The following GPR155 variants were observed in gnomAD, a reference collection of about 807,000 sequenced individuals.
The protein encoded by GPR155 is lysosomal cholesterol signaling protein.
GPR155 carries 65 observed loss-of-function variants against 93.1 expected under a neutral mutation model. The observed-to-expected ratio is 0.70, with a 90% CI of 0.57 to 0.86. The LOEUF (loss-of-function observed/expected upper bound fraction) is 0.86, where lower values mean the gene tolerates loss of function less well. GPR155 is among the 40% of genes least tolerant of loss of function. The probability of loss-of-function intolerance (pLI) is 0.00; values close to 1 mark genes in which losing one functional copy is unlikely to be tolerated. For synonymous variants in GPR155, 319 were observed against 360.1 expected (o/e 0.89, Z 1.29); for missense variants, 838 against 1,034.8 (o/e 0.81, Z 2.61).
intron 6 of GPR155, 84 bp downstream of exon 6, chr2:174,466,460 A>G: frequency 1.2e-6 from 1 of 805,684 alleles, no homozygotes; most frequent in Middle Eastern, 3.6e-4. Context: ...CATAACTAGA[A>G]AAACCTAGCA....
chr2:174,480,585 T>C (rs1688290289), intron 2 of GPR155, among the ~76,000 whole-genome samples: 1 of 152,186 alleles, frequency 6.6e-6, no homozygotes. Flanking sequence ...CCCAAACTGG[T>C]ACGTTTACTG....
In GPR155 at chr2:174,435,960, G is replaced by A. The variant is rs1411157327; in HGVS notation, c.*156C>T. 3.3e-6 allele frequency: 2 copies of A among 615,376 alleles called. No individual in the cohort carries two copies. The highest frequency in any genetic ancestry group is 2.9e-5 in the Admixed American group (1 of 33,966). The allele number at this position is 615,376 out of a possible 1,614,324, so 38.1% of individuals were successfully genotyped here. On this transcript the variant is annotated 3_prime_UTR_variant, in exon 16 of 16. Transcript: ENST00000392552. ...ACATACATGTAAAATCACAGACCCTGCGCATGTGGTGGGAGCACATCTTTT... is the reference window on the plus strand; with the variant it reads ...ACATACATGTAAAATCACAGACCCTACGCATGTGGTGGGAGCACATCTTTT...
intron 2 of GPR155, 39 bp from the exon 3 acceptor site, chr2:174,473,403 AG>A: frequency 2.4e-6 from 3 of 1,276,064 alleles, no homozygotes; most frequent in Non-Finnish European, 3.3e-6. Context: ...TGATGACCAC[AG>A]AAATACAGAT....
chr2:174,468,500 C>G (rs1436956697), intron 5 of GPR155, among the ~76,000 whole-genome samples: 1 of 152,114 alleles, frequency 6.6e-6, no homozygotes, highest in Non-Finnish European at 1.5e-5. Flanking sequence ...TCTAGAACAG[C>G]TAGGAATTCT....
intron 5 of GPR155, 38 bp downstream of exon 5, chr2:174,468,874 C>G: frequency 6.4e-7 from 1 of 1,553,646 alleles, no homozygotes; most frequent in Non-Finnish European, 8.9e-7. Flanking sequence ...AAAACTCATT[C>G]TGTGGTTTCC....
At position 174,435,142 on chromosome 2, in the gene GPR155, A is replaced by G. The variant is rs1403918322; in HGVS notation, c.*974T>C. ...TATTAATTTTGAAATTATAGTAAACAGTTGCAGAAAGCAATGATTATATAA... is the reference window on the plus strand; with the variant it reads ...TATTAATTTTGAAATTATAGTAAACGGTTGCAGAAAGCAATGATTATATAA... On this transcript the variant is annotated 3_prime_UTR_variant, in exon 16 of 16. Transcript: ENST00000392552. The G allele has an allele frequency of 1.3e-5, 2 of 152,244 alleles. No homozygotes were observed. Among genetic ancestry groups the G allele is most frequent in the African/African-American group, 4.8e-5 (2 of 41,464 alleles). 9.4% of individuals were successfully genotyped at this position (152,244 alleles called of 1,614,324 possible). A position where few individuals can be genotyped will look rare whatever the true frequency, so the allele number is the denominator to read the frequency against.
chr2:174,454,973 A>G (rs1264692083), intron 10 of GPR155, among the ~76,000 whole-genome samples: 1 of 152,178 alleles, frequency 6.6e-6, no homozygotes, highest in East Asian at 1.9e-4. Flanking sequence ...ACAAAGTTAC[A>G]TTAGAATAAG....
In GPR155 at chr2:174,481,988, C is replaced by A; in HGVS notation, c.-31-1G>T. The A allele has an allele frequency of 6.9e-7, 1 of 1,451,768 alleles. No homozygotes were observed. The highest frequency in any genetic ancestry group is 9.5e-7 in the Non-Finnish European group (1 of 1,050,718). The allele number at this position is 1,451,768 out of a possible 1,614,324, so 89.9% of individuals were successfully genotyped here. A position where few individuals can be genotyped will look rare whatever the true frequency, so the allele number is the denominator to read the frequency against. ...TCACCCTCCAACTCCAACCAGATCT[C>A]TGGAAAGAAAGGAAGAAAGATTCAG... is the stretch of plus-strand genomic sequence containing the variant. On this transcript the variant is annotated splice_acceptor_variant, in intron 1 of 15. Coordinates refer to ENST00000392552, the MANE Select transcript of GPR155 (RefSeq NM_152529.7). LOFTEE classifies it low-confidence loss of function (5UTR_SPLICE).
chr2:174,449,930 C>T (rs768198073), intron 11 of GPR155, among the ~76,000 whole-genome samples: 8 of 152,068 alleles, frequency 5.3e-5, no homozygotes, highest in Non-Finnish European at 7.4e-5. Flanking sequence ...GAGCCAAGAT[C>T]GTGCCACTGC....
At chr2:174,441,436 T>A (rs141509044) in intron 14 of GPR155, among the ~76,000 whole-genome samples, 4 of 151,748 alleles carry the variant, frequency 2.6e-5, no homozygotes, top group Admixed American at 1.3e-4. Context: ...TTTTAATTTT[T>A]ATTTTTATTA....
At chr2:174,461,819 G>A (rs768207264) in intron 7 of GPR155, 147 bp from the exon 8 acceptor site, 167 of 582,688 alleles carry the variant, frequency 2.9e-4, no homozygotes, top group Non-Finnish European at 1.9e-4. Flanking sequence ...CTAAATAAAT[G>A]CTATCCTCAA....
intron 14 of GPR155, among the ~76,000 whole-genome samples, 191 bp downstream of exon 14, chr2:174,441,928 T>G (rs1686976148): frequency 6.7e-6 from 1 of 149,428 alleles, no homozygotes; most frequent in Non-Finnish European, 1.5e-5. Context: ...TTTTTTTTTT[T>G]GTAGAGACTA....
At chr2:174,466,457 A>G (rs2105717238) in intron 6 of GPR155, 87 bp downstream of exon 6, 1 of 779,150 alleles carries the variant, frequency 1.3e-6, no homozygotes, top group South Asian at 1.5e-5. Flanking sequence ...CTTCATAACT[A>G]GAAAAACCTA....
chr2:174,446,559 T>C (rs1234623008), intron 12 of GPR155, 52 bp downstream of exon 12: 2 of 1,571,336 alleles, frequency 1.3e-6, no homozygotes, highest in Non-Finnish European at 1.7e-6. Flanking sequence ...ATAAAACCTT[T>C]GCCAAAAATT....
chr2:174,446,828 G>A, intron 11 of GPR155, 81 bp from the exon 12 acceptor site: 2 of 1,276,320 alleles, frequency 1.6e-6, no homozygotes, highest in East Asian at 2.4e-5. Flanking sequence ...CTTCCTAAGA[G>A]AAACAACAGA....
At chr2:174,459,438 T>G (rs1160476171) in intron 10 of GPR155, among the ~76,000 whole-genome samples, 1 of 152,242 alleles carries the variant, frequency 6.6e-6, no homozygotes, top group African/African-American at 2.4e-5. Context: ...AGCAAGTTTG[T>G]TGACTATGAT....
intron 9 of GPR155, among the ~76,000 whole-genome samples, chr2:174,461,035 G>A (rs574216691): frequency 1.3e-4 from 20 of 151,610 alleles, no homozygotes; most frequent in South Asian, 4.2e-4. Flanking sequence ...TCCTAGATAC[G>A]TTTTGTCCTG....
chr2:174,449,942 C>A (rs1574705120), intron 11 of GPR155, among the ~76,000 whole-genome samples: 1 of 152,108 alleles, frequency 6.6e-6, no homozygotes, highest in African/African-American at 2.4e-5. Flanking sequence ...TGCCACTGCA[C>A]TCCAGCCTGG....
In GPR155 at chr2:174,471,431, A is replaced by G. The variant is rs151008033; in HGVS notation, c.861-876T>C. On this transcript the variant is annotated intron_variant, in intron 3 of 15. Coordinates refer to ENST00000392552, the MANE Select transcript of GPR155 (RefSeq NM_152529.7). ...AAAAAAAAAGATTCCAAAATCCTGT[A>G]GAAAAATAGGTATCTTCAAGTAGCT... Among the ~76,000 whole-genome samples, 330 of 148,406 alleles carry G rather than the reference A, an allele frequency of 2.2e-3. 2 individuals carry two copies. Among genetic ancestry groups the G allele is most frequent in the African/African-American group, 7.9e-3 (319 of 40,246 alleles).
Sources: gnomAD v4.1 joint callset for allele counts (sites outside exome capture counted in the v4.1 genomes callset) on GRCh38, gnomAD v4.1.1 for gene constraint, MANE v1.5 for transcripts, NCBI Gene and HGNC (gene_info 2026-07-23, HGNC 2026-07-21) for gene names.